Variants in NTRK3 observed in about 807,000 individuals in gnomAD.
NTRK3 encodes the protein neurotrophic receptor tyrosine kinase 3.
In NTRK3, 24 loss-of-function variants were observed where a neutral mutation model predicts 91.7. The observed-to-expected ratio is 0.26, with a 90% confidence interval of 0.19 to 0.37. The LOEUF is 0.37. NTRK3 is among the 10% of genes least tolerant of loss of function. The probability of loss-of-function intolerance (pLI) is 1.00; values close to 1 mark genes in which losing one functional copy is unlikely to be tolerated. For synonymous variants in NTRK3, 483 were observed against 404.0 expected, an observed-to-expected ratio of 1.20 and a Z score of -2.34; for missense variants, 880 against 1,068.9, an observed-to-expected ratio of 0.82 and a Z score of 2.46.
chr15:88,138,097 G>C (rs2042043686), intron 6 of NTRK3, among the ~76,000 whole-genome samples: 1 of 151,230 alleles, frequency 6.6e-6, no homozygotes, highest in Non-Finnish European at 1.5e-5. Flanking sequence ...AACTGTCTAA[G>C]AGATCCTTTT....
chr15:88,082,860 A>C (rs1161566105), intron 13 of NTRK3, among the ~76,000 whole-genome samples: 1 of 152,176 alleles, frequency 6.6e-6, no homozygotes, highest in Non-Finnish European at 1.5e-5. Flanking sequence ...TCTTTTACAC[A>C]GGGGCTTCCA....
chr15:87,987,547 G>A (rs1184149076), intron 14 of NTRK3, among the ~76,000 whole-genome samples: 2 of 151,802 alleles, frequency 1.3e-5, no homozygotes, highest in Non-Finnish European at 2.9e-5. Flanking sequence ...GTGTGTGTGT[G>A]TAGTTACTCT....
intron 5 of NTRK3, among the ~76,000 whole-genome samples, chr15:88,179,088 G>A (rs886495493): frequency 1.3e-5 from 2 of 152,224 alleles, no homozygotes; most frequent in Admixed American, 1.3e-4. Context: ...AATGGGAAGA[G>A]AGGACTCCTA....
chr15:88,003,391 A>T (rs988235386), intron 14 of NTRK3, among the ~76,000 whole-genome samples: 1 of 152,222 alleles, frequency 6.6e-6, no homozygotes, highest in African/African-American at 2.4e-5. Context: ...AAAATTCTTG[A>T]CTGGCATGAT....
chr15:87,918,296 A>G (rs2067603805), intron 17 of NTRK3, among the ~76,000 whole-genome samples: 1 of 152,188 alleles, frequency 6.6e-6, no homozygotes, highest in African/African-American at 2.4e-5. Flanking sequence ...CAGATGACAA[A>G]TCCTCTGTGA....
At chr15:87,866,882 T>A (rs2064696460) in exon 19 of NTRK3, 1 of 209,742 alleles carries the variant, frequency 4.8e-6, no homozygotes, top group Non-Finnish European at 9.7e-6. Context: ...ACTAAATAAA[T>A]AAATGCTTTG....
chr15:88,004,458 A>C (rs998528507), intron 14 of NTRK3, among the ~76,000 whole-genome samples: 1 of 152,200 alleles, frequency 6.6e-6, no homozygotes, highest in African/African-American at 2.4e-5. Context: ...TTCAGTCTAG[A>C]AAAGAGACTT....
intron 13 of NTRK3, among the ~76,000 whole-genome samples, chr15:88,057,125 C>T (rs1183709730): frequency 1.4e-5 from 2 of 144,078 alleles, no homozygotes; most frequent in Non-Finnish European, 3.0e-5. Flanking sequence ...GTCGAGATCG[C>T]GCCACTGCAC....
intron 15 of NTRK3, among the ~76,000 whole-genome samples, chr15:87,936,003 G>A (rs551772957): frequency 1.3e-5 from 2 of 152,326 alleles, no homozygotes; most frequent in South Asian, 4.1e-4. Flanking sequence ...CAGTGGCCCT[G>A]TCCCCAGGGA....
At chr15:87,974,764 G>T (rs2073570838) in intron 14 of NTRK3, among the ~76,000 whole-genome samples, 2 of 152,308 alleles carry the variant, frequency 1.3e-5, no homozygotes, top group African/African-American at 4.8e-5. Context: ...GAACGTTGCA[G>T]ATGTTCTTTT....
At chr15:88,173,046 G>A (rs1022862296) in intron 5 of NTRK3, among the ~76,000 whole-genome samples, 8 of 152,038 alleles carry the variant, frequency 5.3e-5, no homozygotes, top group Non-Finnish European at 8.8e-5. Context: ...TGAATTCTGC[G>A]GTGCAAAACA....
At chr15:88,108,995 C>G (rs1052374514) in intron 13 of NTRK3, among the ~76,000 whole-genome samples, 1 of 152,190 alleles carries the variant, frequency 6.6e-6, no homozygotes, top group South Asian at 2.1e-4. Context: ...CCCATCCACC[C>G]CTCACTATTT....
At chr15:88,256,345 G>A (rs1295409227) in exon 2 of NTRK3, 5 of 630,748 alleles carry the variant, frequency 7.9e-6, no homozygotes, top group Non-Finnish European at 1.4e-5. Flanking sequence ...CGCGGACGCC[G>A]CCGCCGCCGC....
At chr15:87,967,809 G>T (rs57008154) in intron 14 of NTRK3, among the ~76,000 whole-genome samples, 1 of 152,174 alleles carries the variant, frequency 6.6e-6, no homozygotes, top group African/African-American at 2.4e-5. Context: ...ATGCATGGTT[G>T]TAGCCAGTTT....
intron 10 of NTRK3, among the ~76,000 whole-genome samples, chr15:88,131,651 A>G (rs1436018692): frequency 6.6e-6 from 1 of 152,226 alleles, no homozygotes; most frequent in Non-Finnish European, 1.5e-5. Context: ...ATGTCTCATA[A>G]GGCTCCCATT....
chr15:88,003,596 G>T (rs2076267715), intron 14 of NTRK3, among the ~76,000 whole-genome samples: 1 of 152,166 alleles, frequency 6.6e-6, no homozygotes, highest in African/African-American at 2.4e-5. Flanking sequence ...TTGAGCCCAG[G>T]TAGGATGCCT....
chr15:88,212,347 G>A (rs1024558005), intron 3 of NTRK3, among the ~76,000 whole-genome samples: 3 of 152,194 alleles, frequency 2.0e-5, no homozygotes, highest in African/African-American at 7.2e-5. Flanking sequence ...TCCAGCCTGG[G>A]TGACAGAGTG....
intron 17 of NTRK3, among the ~76,000 whole-genome samples, chr15:87,897,189 G>A (rs1489099340): frequency 6.6e-6 from 1 of 152,108 alleles, no homozygotes; most frequent in Non-Finnish European, 1.5e-5. Context: ...TAGGCCCATT[G>A]TGATTCTCCC....
intron 3 of NTRK3, among the ~76,000 whole-genome samples, chr15:88,248,814 G>A (rs112154305): frequency 1.1e-3 from 162 of 152,282 alleles, no homozygotes; most frequent in African/African-American, 3.7e-3. Context: ...TTTCAGAAAC[G>A]CTAACGATTG....
Sources: allele counts gnomAD v4.1 joint callset (sites outside exome capture counted in the v4.1 genomes callset), GRCh38; gene constraint gnomAD v4.1.1; transcripts MANE v1.5; gene names NCBI Gene and HGNC (gene_info 2026-07-23, HGNC 2026-07-21).